The following FBXW9 variants were observed in gnomAD, a reference collection of about 807,000 sequenced individuals.
FBXW9 encodes F-box/WD repeat-containing protein 9.
Under a neutral mutation model 55.8 loss-of-function variants are expected in FBXW9, and 38 were observed. The ratio of observed to expected loss-of-function variants is 0.68; its 90% CI spans 0.53 to 0.89. FBXW9 has a LOEUF of 0.89. Among genes scored for constraint, FBXW9 ranks in the 40% least tolerant of loss-of-function variants. The probability of loss-of-function intolerance (pLI) is 0.00; values close to 1 mark genes in which losing one functional copy is unlikely to be tolerated. For synonymous variants in FBXW9, 289 were observed against 278.2 expected (o/e 1.04, Z -0.38); for missense variants, 590 against 619.4 (o/e 0.95, Z 0.50).
Position 12,690,073 on chromosome 19 carries a change from G to A in FBXW9, c.921C>T (p.Ser307=). ...PALLKHQQLH[S]RPVLTLLADD... is the part of the protein sequence containing the mutation. ...CCGCCAGCAGGGTCAGCACGGGTCT[G>A]GAGTGTAGTTGCTGGTGCTTCAACA... Residue 307 remains serine (S), a synonymous_variant, in exon 6 of 10, where the codon TCC becomes TCT. Coordinates refer to ENST00000393261, the MANE Select transcript of FBXW9 (RefSeq NM_032301.3). The A allele has an allele frequency of 1.2e-6, 2 of 1,614,038 alleles. No individual in the cohort carries two copies. Among genetic ancestry groups the A allele is most frequent in the Non-Finnish European group, 1.7e-6 (2 of 1,180,034 alleles).
intron 3 of FBXW9, 123 bp downstream of exon 3, chr19:12,694,471 C>T: frequency 9.1e-7 from 1 of 1,096,688 alleles, no homozygotes; most frequent in South Asian, 1.7e-5. Context: ...ACATCTCACT[C>T]AAAGTCACAC....
chr19:12,696,148 G>T, intron 1 of FBXW9, 25 bp downstream of exon 1: 1 of 1,459,458 alleles, frequency 6.9e-7, no homozygotes, highest in Non-Finnish European at 9.1e-7. Flanking sequence ...CCGGCCCCCG[G>T]TCCCCGGCCC....
rs767910432 is a variant in FBXW9, at chr19:12,689,868, A to T, written c.1039T>A (p.Ser347Thr). Reference sequence around the variant, plus strand: ...TGGTAGGACATGCAGAGCAGGTAGGAGTCCAGCTACGAGAGGGACAAGGGA... The same window carrying T: ...TGGTAGGACATGCAGAGCAGGTAGGTGTCCAGCTACGAGAGGGACAAGGGA... ...NSVLQRLQLDSYLLCMSYQEP... is the reference protein window; with the variant it reads ...NSVLQRLQLDTYLLCMSYQEP... The change falls in exon 7 of 10, where the codon TCC becomes ACC. Residue 347 changes from serine (S) to threonine (T), a missense_variant. By Grantham distance (58) the Ser-to-Thr change is moderately conservative (BLOSUM62 1). Coordinates refer to ENST00000393261, the MANE Select transcript of FBXW9 (RefSeq NM_032301.3). This position sits in a 1 kb window ranked among gnomAD's most constrained non-coding sequence, Gnocchi z 5.9. 1 of 1,613,954 alleles carries T rather than the reference A, an allele frequency of 6.2e-7. No individual in the cohort carries two copies. Among genetic ancestry groups the T allele is most frequent in the South Asian group, 1.1e-5 (1 of 91,082 alleles).
chr19:12,692,451 C>T (rs1014389387), intron 3 of FBXW9, among the ~76,000 whole-genome samples: 1 of 151,958 alleles, frequency 6.6e-6, no homozygotes, highest in Non-Finnish European at 1.5e-5. Context: ...GTCTCGAACT[C>T]CTGACCTCAG....
intron 1 of FBXW9, among the ~76,000 whole-genome samples, chr19:12,695,723 A>G (rs1165318153): frequency 6.6e-6 from 1 of 152,192 alleles, no homozygotes; most frequent in Non-Finnish European, 1.5e-5. Context: ...TCTAGGGCTC[A>G]GGAGTTTTGA....
chr19:12,695,169 G>C (rs1041783054), intron 1 of FBXW9, among the ~76,000 whole-genome samples: 8 of 152,136 alleles, frequency 5.3e-5, no homozygotes, highest in Non-Finnish European at 1.0e-4. Context: ...CCAGAAATTG[G>C]GAACTGGGGT....
intron 1 of FBXW9, 114 bp downstream of exon 1, chr19:12,696,059 C>A: frequency 2.7e-6 from 3 of 1,108,582 alleles, no homozygotes; most frequent in Non-Finnish European, 3.7e-6. Flanking sequence ...AGGACAGCCA[C>A]GAAGCCTGCA....
chr19:12,694,500 A>T, intron 3 of FBXW9, 94 bp downstream of exon 3: 2 of 1,374,666 alleles, frequency 1.5e-6, no homozygotes. Flanking sequence ...GAAAAGTCAG[A>T]TTCAAATCTA....
intron 1 of FBXW9, among the ~76,000 whole-genome samples, chr19:12,695,358 A>G (rs59299234): frequency 0.14 from 21,138 of 152,140 alleles, 4,405 homozygotes; most frequent in African/African-American, 0.45. Context: ...TCTGGAAACC[A>G]GGGAGCCTTG....
In FBXW9 at chr19:12,691,460, G is replaced by A. The variant is rs1210739290; in HGVS notation, c.679-6C>T. The A allele has an allele frequency of 6.4e-7, 1 of 1,559,744 alleles. No individual in the cohort carries two copies. The highest frequency in any genetic ancestry group is 1.9e-5 in the Admixed American group (1 of 52,160). On this transcript the variant is annotated splice_polypyrimidine_tract_variant and splice_region_variant and intron_variant, in intron 3 of 9. Transcript: ENST00000393261. Reference sequence around the variant, plus strand: ...GCCAGTGACCACACCCAGCCCTGCAGGACAGGAGCAGCAGTCACACACCTG... The same window carrying A: ...GCCAGTGACCACACCCAGCCCTGCAAGACAGGAGCAGCAGTCACACACCTG...
rs2025053515 is a variant in FBXW9, at chr19:12,694,731, G to T, written c.550-9C>A. ...AGACAGAGTGACCCACCCTGGAAAG[G>T]GAGCAAGGTGATGTTGTCAGGGCCA... On this transcript the variant is annotated splice_polypyrimidine_tract_variant and intron_variant, in intron 2 of 9. Coordinates refer to ENST00000393261, the MANE Select transcript of FBXW9 (RefSeq NM_032301.3). The T allele has an allele frequency of 1.9e-6, 3 of 1,614,108 alleles. No individual in the cohort carries two copies. In the African/African-American group the frequency reaches 4.0e-5, roughly 22 times the overall value.
Position 12,694,167 on chromosome 19 carries a change from C to A in FBXW9, c.678+427G>T, listed in dbSNP as rs1483699911. 9.0e-5 allele frequency among the ~76,000 whole-genome samples: 13 copies of A among 144,850 alleles called. No homozygotes were observed. The East Asian group carries it at 2.6e-3, about 29-fold the overall frequency. On this transcript the variant is annotated intron_variant, in intron 3 of 9. Transcript: ENST00000393261. Reference sequence around the variant, plus strand: ...TCCAGCCTAGCAACAGAGTGAGACTCCATCTCAAAAAAAAAAAAAAAAAAT... The same window carrying A: ...TCCAGCCTAGCAACAGAGTGAGACTACATCTCAAAAAAAAAAAAAAAAAAT...
rs1357345538 is a variant in FBXW9 at position 12,694,590 on chromosome 19, T to C, written c.678+4A>G. ...ATACCTCCTATCCCCACCTGACTCC[T>C]CACCTCATGGGTACTATTTCGCTTA... On this transcript the variant is annotated splice_donor_region_variant and intron_variant, in intron 3 of 9. Coordinates refer to ENST00000393261, the MANE Select transcript of FBXW9 (RefSeq NM_032301.3). 1.2e-6 allele frequency: 2 copies of C among 1,613,322 alleles called. No homozygotes were observed. The highest frequency in any genetic ancestry group is 1.7e-6 in the Non-Finnish European group (2 of 1,179,372).
At position 12,696,496 on chromosome 19, in the gene FBXW9, T is replaced by C; in HGVS notation, c.86A>G (p.Gln29Arg). ...DPESETDPDA[Q>R]AKAYVARVLS... ...AACGCGGGCCACGTAGGCCTTGGCC[T>C]GCGCGTCTGGGTCTGTCTCTGACTC... The change falls in exon 1 of 10, where the codon CAG becomes CGG. Residue 29 changes from glutamine (Q) to arginine (R), a missense_variant. Gln to Arg is a conservative substitution (Grantham distance 43). Transcript: ENST00000393261. 11 of 1,612,802 alleles carry C rather than the reference T, an allele frequency of 6.8e-6. No individual in the cohort carries two copies. Among genetic ancestry groups the C allele is most frequent in the Non-Finnish European group, 9.3e-6 (11 of 1,179,964 alleles).
chr19:12,690,608 C>G (rs942449379), intron 5 of FBXW9, among the ~76,000 whole-genome samples: 1 of 151,994 alleles, frequency 6.6e-6, no homozygotes, highest in Admixed American at 6.6e-5. Context: ...GTGGCAAGAC[C>G]CCGTTCTCCA....
chr19:12,689,301 G>C lies in FBXW9; in HGVS notation c.1303-11C>G, dbSNP rs763048628. The C allele has an allele frequency of 1.2e-6, 2 of 1,614,232 alleles. 1 individual carries two copies. Among genetic ancestry groups the C allele is most frequent in the Non-Finnish European group, 1.7e-6 (2 of 1,180,020 alleles). On this transcript the variant is annotated splice_polypyrimidine_tract_variant and intron_variant, in intron 9 of 9. Coordinates refer to ENST00000393261, the MANE Select transcript of FBXW9 (RefSeq NM_032301.3). This position sits in a 1 kb window ranked among gnomAD's most constrained non-coding sequence, Gnocchi z 5.9. Reference sequence around the variant, plus strand: ...GCCCTCAGCACAGACCTGGGAAGGGGGAGGAACATGAGGAGTCAGGGACGA... The same window carrying C: ...GCCCTCAGCACAGACCTGGGAAGGGCGAGGAACATGAGGAGTCAGGGACGA...
At chr19:12,691,059 G>T in intron 5 of FBXW9, 107 bp downstream of exon 5, 1 of 971,924 alleles carries the variant, frequency 1.0e-6, no homozygotes, top group Non-Finnish European at 1.6e-6. Context: ...ACTCTGAGTG[G>T]TGAGTATTTG....
chr19:12,690,274 A>G (rs1039361171), intron 5 of FBXW9, 164 bp from the exon 6 acceptor site: 1 of 1,234,620 alleles, frequency 8.1e-7, no homozygotes, highest in Middle Eastern at 2.7e-4. Context: ...CCTCAGGTAA[A>G]TCCAGGCTTC....
rs777260806 is a variant in FBXW9 at position 12,689,182 on chromosome 19, C to T, written c.*34G>A. ...AAGAACAGAGGAGGAAGCCCAGCCT[C>T]CGGCAGGCAGTATCCACATCCACGC... On this transcript the variant is annotated 3_prime_UTR_variant, in exon 10 of 10. Coordinates refer to ENST00000393261, the MANE Select transcript of FBXW9 (RefSeq NM_032301.3). The surrounding 1 kb of genome is among the most constrained non-coding windows in gnomAD (Gnocchi z 5.9). 2.7e-6 allele frequency: 4 copies of T among 1,495,434 alleles called. No individual in the cohort carries two copies. In the Admixed American group the frequency reaches 6.7e-5, roughly 25 times the overall value. 92.6% of individuals were successfully genotyped at this position (1,495,434 alleles called of 1,614,324 possible). A position where few individuals can be genotyped will look rare whatever the true frequency, so the allele number is the denominator to read the frequency against.
Sources: gnomAD v4.1 joint callset for allele counts (sites outside exome capture counted in the v4.1 genomes callset) on GRCh38, gnomAD v4.1.1 for gene constraint, Gnocchi (gnomAD v3.1) non-coding constraint, MANE v1.5 for transcripts, NCBI Gene and HGNC (gene_info 2026-07-23, HGNC 2026-07-21) for gene names.